Variants in CPNE4 observed in about 807,000 individuals in gnomAD.
The protein encoded by CPNE4 is copine 4.
A neutral mutation model predicts 67.9 loss-of-function variants in CPNE4; 25 were observed. The observed-to-expected ratio is 0.37, with a 90% CI of 0.27 to 0.51. CPNE4 has a LOEUF of 0.51. CPNE4 is among the 20% of genes least tolerant of loss of function. CPNE4 has a pLI of 0.93. For synonymous variants in CPNE4, 242 were observed against 244.9 expected (o/e 0.99, Z 0.11); for missense variants, 464 against 690.8 (o/e 0.67, Z 3.68).
chr3:131,932,780 G>A (rs1356566080), intron 1 of CPNE4, among the ~76,000 whole-genome samples: 2 of 151,998 alleles, frequency 1.3e-5, no homozygotes, highest in East Asian at 3.9e-4. Flanking sequence ...TGCACTGGGA[G>A]GCCAAGGCAG....
At chr3:131,770,462 A>G (rs1230256849) in intron 2 of CPNE4, among the ~76,000 whole-genome samples, 1 of 152,224 alleles carries the variant, frequency 6.6e-6, no homozygotes, top group African/African-American at 2.4e-5. Flanking sequence ...CCACAAATTC[A>G]GTGAGGCAGA....
chr3:131,581,481 A>T (rs914266936), intron 9 of CPNE4, 98 bp downstream of exon 9: 1 of 788,576 alleles, frequency 1.3e-6, no homozygotes, highest in Non-Finnish European at 2.2e-6. Flanking sequence ...AAAAGATCAC[A>T]TCTTTTTGAT....
chr3:131,880,282 A>AT (rs1190204815), intron 2 of CPNE4, among the ~76,000 whole-genome samples: 1 of 151,768 alleles, frequency 6.6e-6, no homozygotes, highest in Non-Finnish European at 1.5e-5. Context: ...CGCCCGGCTA[A>AT]TTTTTTGTGT....
At chr3:131,585,715 A>G (rs1192542539) in intron 8 of CPNE4, among the ~76,000 whole-genome samples, 3 of 152,336 alleles carry the variant, frequency 2.0e-5, no homozygotes, top group Admixed American at 6.5e-5. Context: ...TATGAATGCT[A>G]TCATTGATTT....
chr3:131,733,628 T>C (rs149842067), intron 2 of CPNE4, among the ~76,000 whole-genome samples: 4 of 152,214 alleles, frequency 2.6e-5, no homozygotes, highest in East Asian at 1.9e-4. Flanking sequence ...CCTGCCAAGA[T>C]TGGGAGCAGG....
chr3:131,556,473 A>T (rs1182741783), intron 11 of CPNE4, among the ~76,000 whole-genome samples: 1 of 152,052 alleles, frequency 6.6e-6, no homozygotes, highest in Non-Finnish European at 1.5e-5. Flanking sequence ...ACCTTATCAC[A>T]TACAAGCGGT....
chr3:131,710,597 TTCGC>T (rs1196456658), intron 3 of CPNE4, among the ~76,000 whole-genome samples: 6 of 152,172 alleles, frequency 3.9e-5, no homozygotes, highest in African/African-American at 1.4e-4. Context: ...GGTTTGAAAT[TTCGC>T]TCTGCAACTT....
At chr3:131,591,528 C>G (rs138888786) in intron 7 of CPNE4, among the ~76,000 whole-genome samples, 3 of 152,152 alleles carry the variant, frequency 2.0e-5, no homozygotes, top group African/African-American at 7.2e-5. Flanking sequence ...AATGTGCTCT[C>G]TGGCTGGGGC....
chr3:131,596,801 C>G (rs967846928), intron 7 of CPNE4, among the ~76,000 whole-genome samples: 2 of 152,074 alleles, frequency 1.3e-5, no homozygotes, highest in East Asian at 1.9e-4. Flanking sequence ...CCAGTCTGCC[C>G]TTCCTGATGG....
intron 2 of CPNE4, among the ~76,000 whole-genome samples, chr3:131,880,098 C>T (rs1293027427): frequency 6.6e-6 from 1 of 151,274 alleles, no homozygotes; most frequent in Non-Finnish European, 1.5e-5. Context: ...ATGACAAAGA[C>T]GGTCCATGGC....
intron 2 of CPNE4, among the ~76,000 whole-genome samples, chr3:131,800,635 G>C (rs541197009): frequency 6.6e-6 from 1 of 152,264 alleles, no homozygotes; most frequent in East Asian, 1.9e-4. Context: ...CCATGTGCAG[G>C]CTGGGGAAGC....
rs115140032 is a variant in CPNE4 at position 131,595,503 on chromosome 3, G to A, written c.682-7921C>T. ...AGAAAAGAGGTTTAGGTTGTCTCAT[G>A]GTTCTGCAAGCTATACAGAAAGCAT... On this transcript the variant is annotated intron_variant, in intron 7 of 15. Coordinates refer to ENST00000429747, the MANE Select transcript of CPNE4 (RefSeq NM_130808.3). Among the ~76,000 whole-genome samples, 1,327 of 152,308 alleles carry A rather than the reference G, an allele frequency of 8.7e-3. 17 individuals carry two copies. The highest frequency in any genetic ancestry group is 0.031 in the African/African-American group (1,275 of 41,548).
intron 2 of CPNE4, among the ~76,000 whole-genome samples, chr3:131,760,207 CTAAGTTA>C (rs2082853237): frequency 6.6e-6 from 1 of 152,040 alleles, no homozygotes; most frequent in Non-Finnish European, 1.5e-5. Context: ...TAAGGACTGC[CTAAGTTA>C]TATCTGTAGG....
intron 1 of CPNE4, among the ~76,000 whole-genome samples, chr3:131,986,873 A>AC (rs1164637508): frequency 2.6e-5 from 4 of 151,812 alleles, no homozygotes; most frequent in African/African-American, 9.7e-5. Flanking sequence ...CAAACAAAAA[A>AC]AAAAAAACAA....
intron 1 of CPNE4, among the ~76,000 whole-genome samples, chr3:131,959,495 C>T (rs1483221403): frequency 6.6e-6 from 1 of 152,160 alleles, no homozygotes; most frequent in African/African-American, 2.4e-5. Context: ...CTGAGTTGGA[C>T]AGAATGCTAC....
intron 2 of CPNE4, among the ~76,000 whole-genome samples, chr3:131,897,033 T>C (rs1332475700): frequency 6.6e-6 from 1 of 152,070 alleles, no homozygotes; most frequent in East Asian, 1.9e-4. Flanking sequence ...TACCACGTAC[T>C]CCAGATTAAC....
At chr3:131,669,143 T>C (rs1220505722) in intron 7 of CPNE4, among the ~76,000 whole-genome samples, 1 of 151,854 alleles carries the variant, frequency 6.6e-6, no homozygotes, top group African/African-American at 2.4e-5. Flanking sequence ...CCACCCCTTC[T>C]CTCATTCCAG....
chr3:131,603,632 C>T (rs1298472969), intron 7 of CPNE4, among the ~76,000 whole-genome samples: 3 of 152,132 alleles, frequency 2.0e-5, no homozygotes, highest in Non-Finnish European at 4.4e-5. Flanking sequence ...AAAGGCTGTG[C>T]TAGTTCCAGA....
intron 1 of CPNE4, among the ~76,000 whole-genome samples, chr3:132,005,368 CACACATAT>C (rs1560773332): frequency 9.9e-5 from 6 of 60,760 alleles, no homozygotes; most frequent in Non-Finnish European, 1.9e-4. Flanking sequence ...CACACACACA[CACACATAT>C]ATGTTTATAT....
Sources: allele counts gnomAD v4.1 joint callset (sites outside exome capture counted in the v4.1 genomes callset), GRCh38; gene constraint gnomAD v4.1.1; transcripts MANE v1.5; gene names NCBI Gene and HGNC (gene_info 2026-07-23, HGNC 2026-07-21).